The following FAM193A variants were observed in gnomAD, a reference collection of about 807,000 sequenced individuals.
FAM193A encodes protein FAM193A.
FAM193A carries 22 observed loss-of-function variants against 126.5 expected under a neutral mutation model. That is an observed-to-expected ratio of 0.17 (90% confidence interval 0.12 to 0.25). FAM193A has a LOEUF of 0.25. Ranked by LOEUF, FAM193A falls within the 10% of genes least tolerant of loss-of-function variation. The pLI, the probability that FAM193A is intolerant of heterozygous loss-of-function variation, is 1.00. For missense variants in FAM193A, 1,675 were observed against 1,672.8 expected (o/e 1.00, Z -0.02); for synonymous variants, 761 against 646.8 (o/e 1.18, Z -2.68).
chr4:2,728,554 C>T (rs1721014363), intron 20 of FAM193A, among the ~76,000 whole-genome samples: 1 of 152,084 alleles, frequency 6.6e-6, no homozygotes, highest in Admixed American at 6.6e-5. Context: ...GCTAGCAAGA[C>T]TTTCTTTAAG....
At position 2,695,054 on chromosome 4, in the gene FAM193A, C is replaced by G; in HGVS notation, c.3201C>G (p.Ser1067Arg). The part of the protein sequence containing the change: ...DEDSCSEHSS[S>R]TSTSTNQKEG... ...ACAGCTGCTCTGAGCACAGCTCCAGCACCTCGACCTCCACCAACCAGAAGG... is the reference window on the plus strand; with the variant it reads ...ACAGCTGCTCTGAGCACAGCTCCAGGACCTCGACCTCCACCAACCAGAAGG... The change falls in exon 17 of 21, where the codon AGC (serine) becomes AGG (arginine). Residue 1067 changes from serine (S) to arginine (R), a missense_variant. Physicochemically the swap from Ser to Arg is moderately radical, Grantham distance 110. This residue lies in a region of FAM193A where 54 missense variants were observed against 114.8 expected (regional missense o/e 0.47). Coordinates refer to ENST00000637812, the MANE Select transcript of FAM193A (RefSeq NM_001366318.2). 6.2e-7 allele frequency: 1 copy of G among 1,609,730 alleles called. No individual in the cohort carries two copies. Among genetic ancestry groups the G allele is most frequent in the Non-Finnish European group, 8.5e-7 (1 of 1,178,304 alleles).
chr4:2,709,424 T>C (rs1204929528), intron 19 of FAM193A, among the ~76,000 whole-genome samples: 1 of 152,244 alleles, frequency 6.6e-6, no homozygotes, highest in East Asian at 1.9e-4. Context: ...TAGGAAGTTT[T>C]TGGCTGGGCA....
chr4:2,668,830 C>CGTTTCTTTTCCT (rs1713454105), intron 12 of FAM193A, among the ~76,000 whole-genome samples: 4 of 141,676 alleles, frequency 2.8e-5, no homozygotes, highest in Non-Finnish European at 3.0e-5. Flanking sequence ...TTTCCTTTTC[C>CGTTTCTTTTCCT]TTTTCTTTTC....
At chr4:2,688,967 G>T (rs1202894413) in intron 13 of FAM193A, among the ~76,000 whole-genome samples, 1 of 152,258 alleles carries the variant, frequency 6.6e-6, no homozygotes, top group Non-Finnish European at 1.5e-5. Flanking sequence ...GCCCCACAGG[G>T]CCCAGGGCGG....
At chr4:2,730,485 T>A (rs1721249193) in intron 20 of FAM193A, among the ~76,000 whole-genome samples, 1 of 151,848 alleles carries the variant, frequency 6.6e-6, no homozygotes, top group Non-Finnish European at 1.5e-5. Context: ...GGTCAGGATA[T>A]TGAGAGCATC....
rs2006168 is a variant in FAM193A at position 2,694,427 on chromosome 4, C to T, written c.3093-519C>T. On this transcript the variant is annotated intron_variant, in intron 16 of 20. Coordinates refer to ENST00000637812, the MANE Select transcript of FAM193A (RefSeq NM_001366318.2). ...GAGACTACAGGCATACGCCACCATG[C>T]CTGGCTAATTTTTGTATTTTTAGTA... Among the ~76,000 whole-genome samples, 915 of 152,064 alleles carry T rather than the reference C, an allele frequency of 6.0e-3. 3 individuals are homozygous for T. Among genetic ancestry groups the T allele is most frequent in the Non-Finnish European group, 1.0e-2 (678 of 68,006 alleles).
intron 1 of FAM193A, among the ~76,000 whole-genome samples, chr4:2,594,456 C>T (rs1398216297): frequency 1.3e-5 from 2 of 152,200 alleles, no homozygotes; most frequent in Non-Finnish European, 2.9e-5. Flanking sequence ...TCAGCTGGGT[C>T]CACTCTCTTC....
intron 2 of FAM193A, chr4:2,607,986 C>T (rs1030299888): frequency 5.7e-6 from 9 of 1,574,384 alleles, no homozygotes; most frequent in Admixed American, 2.0e-5. Context: ...AGGGCAGCCA[C>T]TCACCACAGC....
intron 20 of FAM193A, among the ~76,000 whole-genome samples, chr4:2,727,239 C>CA (rs951301664): frequency 2.6e-5 from 4 of 151,582 alleles, no homozygotes; most frequent in African/African-American, 9.7e-5. Context: ...AGCCTGGCAA[C>CA]AGCAAGACTC....
chr4:2,662,305 A>T (rs987541891), intron 10 of FAM193A, among the ~76,000 whole-genome samples: 3 of 152,258 alleles, frequency 2.0e-5, no homozygotes, highest in African/African-American at 7.2e-5. Context: ...GACTGGCCTT[A>T]AAGCAAAAAA....
At chr4:2,562,545 A>G (rs1395807140) in intron 1 of FAM193A, among the ~76,000 whole-genome samples, 1 of 152,232 alleles carries the variant, frequency 6.6e-6, no homozygotes, top group Non-Finnish European at 1.5e-5. Flanking sequence ...GGCTGTAGGA[A>G]AAACACATTA....
chr4:2,627,234 C>T (rs1377870922), intron 4 of FAM193A, among the ~76,000 whole-genome samples: 1 of 146,206 alleles, frequency 6.8e-6, no homozygotes, highest in Non-Finnish European at 1.5e-5. Flanking sequence ...GATCTTGGCT[C>T]ACTGCAACCC....
At chr4:2,665,392 A>G (rs1314582141) in intron 12 of FAM193A, among the ~76,000 whole-genome samples, 1 of 151,942 alleles carries the variant, frequency 6.6e-6, no homozygotes, top group East Asian at 1.9e-4. Flanking sequence ...ATTACTTTGG[A>G]TTTTCTATAT....
rs187226148 is a variant in FAM193A at position 2,596,215 on chromosome 4, C to T, written c.387C>T (p.Ala129=). The stretch of plus-strand genomic sequence containing the variant: ...GAATTAAGACTGCGAGCAAATTGGC[C>T]CTTTCCATGGCTCCCAAGGGCAACA... The part of the protein sequence containing the change: ...ESGIKTASKL[A]LSMAPKGNSV... The change falls in exon 2 of 21, where the codon GCC becomes GCT. Residue 129 remains alanine, a synonymous_variant. Coordinates refer to ENST00000637812, the MANE Select transcript of FAM193A (RefSeq NM_001366318.2). 1.0e-5 allele frequency: 7 copies of T among 702,970 alleles called. No individual in the cohort carries two copies. The highest frequency in any genetic ancestry group is 3.5e-5 in the African/African-American group (2 of 57,346). 43.5% of individuals were successfully genotyped at this position (702,970 alleles called of 1,614,324 possible).
chr4:2,593,447 T>G lies in FAM193A; in HGVS notation c.256-2637T>G, dbSNP rs181840501. On this transcript the variant is annotated intron_variant, in intron 1 of 20. Coordinates refer to ENST00000637812, the MANE Select transcript of FAM193A (RefSeq NM_001366318.2). ...GGGGTCTCCTCAAGGAGGCCCTCAC[T>G]GTCCACCGGGTTAAAGGGTACAGAT... 2.4e-4 allele frequency among the ~76,000 whole-genome samples: 36 copies of G among 152,348 alleles called. No homozygotes were observed. In the East Asian group the frequency reaches 6.9e-3, roughly 29 times the overall value.
chr4:2,614,492 G>A (rs1742069707), intron 2 of FAM193A, among the ~76,000 whole-genome samples: 1 of 152,182 alleles, frequency 6.6e-6, no homozygotes, highest in African/African-American at 2.4e-5. Context: ...CCTTTTGCTA[G>A]GTTGCTGGAT....
At chr4:2,553,262 C>T (rs1477582382) in intron 1 of FAM193A, among the ~76,000 whole-genome samples, 5 of 152,074 alleles carry the variant, frequency 3.3e-5, no homozygotes, top group Non-Finnish European at 2.9e-5. Context: ...TCAGGGGTTC[C>T]AGGCTGTAAT....
chr4:2,709,290 G>C (rs996916303), intron 19 of FAM193A, among the ~76,000 whole-genome samples: 4 of 152,102 alleles, frequency 2.6e-5, no homozygotes, highest in Admixed American at 6.5e-5. Flanking sequence ...TTTGGAATCT[G>C]TTTACATTAT....
At chr4:2,687,963 A>T (rs960305594) in intron 13 of FAM193A, among the ~76,000 whole-genome samples, 9 of 152,184 alleles carry the variant, frequency 5.9e-5, no homozygotes, top group Non-Finnish European at 1.2e-4. Flanking sequence ...CCAGGCCAGC[A>T]GGATTCTGCC....
Sources: allele counts gnomAD v4.1 joint callset (sites outside exome capture counted in the v4.1 genomes callset), GRCh38; gene constraint gnomAD v4.1.1; regional missense constraint gnomAD v4.1.1; transcripts MANE v1.5; gene names NCBI Gene and HGNC (gene_info 2026-07-23, HGNC 2026-07-21).